GCC2: variants seen among roughly 807,000 people sequenced by gnomAD.
GCC2 encodes the protein GRIP and coiled-coil domain-containing protein 2.
A neutral mutation model predicts 210.6 loss-of-function variants in GCC2; 120 were observed. The ratio of observed to expected loss-of-function variants is 0.57; its 90% CI spans 0.49 to 0.66. The LOEUF is 0.66. GCC2 is among the 30% of genes least tolerant of loss of function. The pLI, the probability that GCC2 is intolerant of heterozygous loss-of-function variation, is 0.00. For missense variants in GCC2, 1,868 were observed against 1,871.9 expected (o/e 1.00, Z 0.04); for synonymous variants, 703 against 652.7 (o/e 1.08, Z -1.17).
chr2:108,457,468 G>A (rs529507432), intron 4 of GCC2, among the ~76,000 whole-genome samples: 1 of 151,722 alleles, frequency 6.6e-6, no homozygotes, highest in African/African-American at 2.4e-5. Context: ...TAGCTTTTCT[G>A]GCTTTTTTTT....
At chr2:108,481,014 A>G (rs1296393652) in intron 9 of GCC2, among the ~76,000 whole-genome samples, 1 of 152,180 alleles carries the variant, frequency 6.6e-6, no homozygotes, top group East Asian at 1.9e-4. Context: ...ATAAGGAAGG[A>G]GAGAGAGAGA....
At chr2:108,468,433 AAAAGGTG>A (rs1681015624) in intron 4 of GCC2, among the ~76,000 whole-genome samples, 1 of 152,128 alleles carries the variant, frequency 6.6e-6, no homozygotes, top group African/African-American at 2.4e-5. Context: ...CAGTTTTATT[AAAAGGTG>A]TCTATTTTGA....
intron 9 of GCC2, among the ~76,000 whole-genome samples, chr2:108,479,706 GGGCTCAGT>G (rs1344710371): frequency 2.0e-5 from 3 of 151,762 alleles, no homozygotes; most frequent in Non-Finnish European, 4.4e-5. Flanking sequence ...AGCAGAGGCC[GGGCTCAGT>G]GGCTCATGCC....
At chr2:108,461,565 G>A (rs1478994993) in intron 4 of GCC2, among the ~76,000 whole-genome samples, 1 of 152,074 alleles carries the variant, frequency 6.6e-6, no homozygotes, top group Non-Finnish European at 1.5e-5. Flanking sequence ...GAGTGCAGTG[G>A]CGCAATCTTG....
Position 108,483,162 on chromosome 2 carries a change from A to C in GCC2, c.3446A>C (p.Lys1149Thr). ...QKTMQELELV[K>T]KDAQQTTLMN... Reference sequence around the variant, plus strand: ...ACCATGCAAGAATTAGAGCTGGTTAAAAAGGTAAAATAAAACACTAGGATC... The same window carrying C: ...ACCATGCAAGAATTAGAGCTGGTTACAAAGGTAAAATAAAACACTAGGATC... The change falls in exon 12 of 23, where the codon AAA (lysine) becomes ACA (threonine). Residue 1149 changes from lysine (K) to threonine (T), a missense_variant. By Grantham distance (78) the Lys-to-Thr change is moderately conservative. Coordinates refer to ENST00000309863, the MANE Select transcript of GCC2 (RefSeq NM_181453.4). 7.0e-7 allele frequency: 1 copy of C among 1,419,210 alleles called. No homozygotes were observed. Among genetic ancestry groups the C allele is most frequent in the East Asian group, 2.3e-5 (1 of 43,962 alleles). 87.9% of individuals were successfully genotyped at this position (1,419,210 alleles called of 1,614,324 possible).
At position 108,507,644 on chromosome 2, in the gene GCC2, A is replaced by G; in HGVS notation, c.*14A>G. The stretch of plus-strand genomic sequence containing the variant: ...GGACTTCGATAGGTTGATGGAAGGA[A>G]TATTTTTATTAACCAAATAGAATCT... On this transcript the variant is annotated 3_prime_UTR_variant, in exon 23 of 23. Transcript: ENST00000309863. 1 of 1,504,098 alleles carries G rather than the reference A, an allele frequency of 6.6e-7. No homozygotes were observed. The allele number at this position is 1,504,098 out of a possible 1,614,324, so 93.2% of individuals were successfully genotyped here. A position where few individuals can be genotyped will look rare whatever the true frequency, so the allele number is the denominator to read the frequency against.
At chr2:108,490,457 A>C (rs1012067157) in intron 18 of GCC2, among the ~76,000 whole-genome samples, 2 of 152,198 alleles carry the variant, frequency 1.3e-5, no homozygotes, top group Non-Finnish European at 2.9e-5. Context: ...TAGACATTAG[A>C]AGTATTGGCA....
chr2:108,452,929 C>T (rs561143821), intron 4 of GCC2, among the ~76,000 whole-genome samples: 1 of 152,014 alleles, frequency 6.6e-6, no homozygotes, highest in Non-Finnish European at 1.5e-5. Context: ...CTTGACCTCA[C>T]GATCCGCCCG....
intron 6 of GCC2, among the ~76,000 whole-genome samples, chr2:108,472,409 A>G (rs555712210): frequency 6.6e-6 from 1 of 152,256 alleles, no homozygotes; most frequent in South Asian, 2.1e-4. Context: ...ACAACTAAAC[A>G]TGGAAAAACT....
At chr2:108,473,903 C>T (rs1681369082) in intron 7 of GCC2, among the ~76,000 whole-genome samples, 1 of 152,038 alleles carries the variant, frequency 6.6e-6, no homozygotes, top group Admixed American at 6.5e-5. Context: ...CCTATAATCC[C>T]AGCACTTTGG....
chr2:108,452,697 T>C (rs1680014974), intron 4 of GCC2, among the ~76,000 whole-genome samples: 1 of 141,640 alleles, frequency 7.1e-6, no homozygotes, highest in African/African-American at 2.6e-5. Context: ...CTTTCTTTTT[T>C]TTTTTTTTTT....
intron 22 of GCC2, among the ~76,000 whole-genome samples, chr2:108,506,680 T>C (rs930192691): frequency 6.6e-6 from 1 of 152,202 alleles, no homozygotes; most frequent in Non-Finnish European, 1.5e-5. Flanking sequence ...AATCTATTGG[T>C]TTTAGATTCT....
chr2:108,475,843 G>T lies in GCC2; in HGVS notation c.3053G>T (p.Ser1018Ile). 1 of 1,540,078 alleles carries T rather than the reference G, an allele frequency of 6.5e-7. No individual in the cohort carries two copies. The highest frequency in any genetic ancestry group is 2.3e-5 in the East Asian group (1 of 43,910). ...SMRDLIQGAE[S>I]YKNLLLEYEK... ...AGAGATCTCATTCAAGGAGCAGAAA[G>T]CTATAAGGTAAAAAATAGTCATTTT... The change falls in exon 9 of 23, where the codon AGC becomes ATC. Residue 1018 changes from serine to isoleucine, a missense_variant. Physicochemically the swap from Ser to Ile is moderately radical, Grantham distance 142. Transcript: ENST00000309863.
At chr2:108,477,762 T>G (rs912904905) in intron 9 of GCC2, among the ~76,000 whole-genome samples, 2 of 152,250 alleles carry the variant, frequency 1.3e-5, no homozygotes, top group Middle Eastern at 3.2e-3. Flanking sequence ...ATACTAAATT[T>G]CGGCCAGGTG....
intron 15 of GCC2, 28 bp from the exon 16 acceptor site, chr2:108,486,482 TA>T (rs1181022336): frequency 1.4e-5 from 23 of 1,612,848 alleles, no homozygotes; most frequent in Non-Finnish European, 1.9e-5. Context: ...TAGGATTTGC[TA>T]AAGCTAAATT....
chr2:108,500,533 A>C (rs914056286), intron 22 of GCC2, among the ~76,000 whole-genome samples: 1 of 152,212 alleles, frequency 6.6e-6, no homozygotes, highest in Non-Finnish European at 1.5e-5. Context: ...AACAACAAAA[A>C]AAAACTATGA....
chr2:108,469,475 C>T, intron 5 of GCC2, 176 bp from the exon 6 acceptor site: 1 of 536,922 alleles, frequency 1.9e-6, no homozygotes, highest in East Asian at 3.0e-5. Flanking sequence ...TATTGTCATA[C>T]TTTAGATAGG....
chr2:108,477,279 T>G (rs1027531323), intron 9 of GCC2, among the ~76,000 whole-genome samples: 5 of 152,202 alleles, frequency 3.3e-5, no homozygotes, highest in Non-Finnish European at 7.4e-5. Context: ...GGAGAAGAGA[T>G]AGATACTTCT....
chr2:108,479,980 CAAAAAA>C (rs200934785), intron 9 of GCC2, among the ~76,000 whole-genome samples: 5 of 114,534 alleles, frequency 4.4e-5, no homozygotes, highest in Non-Finnish European at 7.3e-5. Flanking sequence ...GACTCCATCT[CAAAAAA>C]AAAAAAAAAA....
Sources: allele counts gnomAD v4.1 joint callset (sites outside exome capture counted in the v4.1 genomes callset), GRCh38; gene constraint gnomAD v4.1.1; transcripts MANE v1.5; gene names NCBI Gene and HGNC (gene_info 2026-07-23, HGNC 2026-07-21).